LRIG1: variants seen among roughly 807,000 people sequenced by gnomAD.
The protein encoded by LRIG1 is leucine-rich repeats and immunoglobulin-like domains protein 1.
In LRIG1, 48 loss-of-function variants were observed where a neutral mutation model predicts 99.2. The ratio of observed to expected loss-of-function variants is 0.48; its 90% CI spans 0.38 to 0.62. LRIG1 has a LOEUF of 0.62. LRIG1 is among the 20% of genes least tolerant of loss of function. The pLI, the probability that LRIG1 is intolerant of heterozygous loss-of-function variation, is 0.00. For missense variants in LRIG1, 1,646 were observed against 1,434.4 expected (o/e 1.15, Z -2.38); for synonymous variants, 772 against 596.1 (o/e 1.29, Z -4.30).
intron 3 of LRIG1, among the ~76,000 whole-genome samples, chr3:66,432,291 G>C (rs1208715918): frequency 2.6e-5 from 4 of 152,218 alleles, no homozygotes; most frequent in Non-Finnish European, 4.4e-5. Flanking sequence ...CCGGAGTCTG[G>C]AATGGAGCCC....
At chr3:66,410,793 C>T (rs1400870072) in intron 6 of LRIG1, among the ~76,000 whole-genome samples, 3 of 152,212 alleles carry the variant, frequency 2.0e-5, no homozygotes, top group Non-Finnish European at 4.4e-5. Flanking sequence ...TATTATCACC[C>T]GCATCTCACA....
intron 10 of LRIG1, 94 bp from the exon 11 acceptor site, chr3:66,398,277 A>T: frequency 1.1e-6 from 1 of 908,474 alleles, no homozygotes; most frequent in Non-Finnish European, 1.8e-6. Context: ...ACCCACAGGG[A>T]CTAGCCAGAC....
chr3:66,382,022 A>G lies in LRIG1; in HGVS notation c.2617+251T>C, dbSNP rs77789509. On this transcript the variant is annotated intron_variant, in intron 16 of 18. Transcript: ENST00000273261. The stretch of plus-strand genomic sequence containing the variant: ...CCCTTTCCAGCTGCTACTCCAGGCA[A>G]GCCTACTTTATCCTGCCAGGGAGAT... Among the ~76,000 whole-genome samples the G allele has an allele frequency of 3.2e-3, 490 of 152,320 alleles. 2 individuals are homozygous for G. The highest frequency in any genetic ancestry group is 0.02 in the East Asian group (106 of 5,178).
chr3:66,380,864 G>A lies in LRIG1; in HGVS notation c.2771-3C>T, dbSNP rs1352778634. 6.2e-7 allele frequency: 1 copy of A among 1,613,124 alleles called. No individual in the cohort carries two copies. The highest frequency in any genetic ancestry group is 1.7e-5 in the Admixed American group (1 of 60,016). On this transcript the variant is annotated splice_polypyrimidine_tract_variant and splice_region_variant and intron_variant, in intron 17 of 18. Transcript: ENST00000273261. ...GCATACGACCCGGCCACCGTGTTCT[G>A]AAGGACAGCGCCAAAGATGGGTTAG...
chr3:66,488,979 T>C (rs553713259), intron 1 of LRIG1, among the ~76,000 whole-genome samples: 1 of 152,292 alleles, frequency 6.6e-6, no homozygotes, highest in South Asian at 2.1e-4. Flanking sequence ...TTTCTTTAAA[T>C]TTTTACCTAA....
At chr3:66,422,953 T>C (rs1702867031) in intron 3 of LRIG1, among the ~76,000 whole-genome samples, 2 of 152,142 alleles carry the variant, frequency 1.3e-5, no homozygotes, top group Admixed American at 6.5e-5. Flanking sequence ...AACTCCAGTT[T>C]TTAAAACCAT....
intron 3 of LRIG1, among the ~76,000 whole-genome samples, chr3:66,426,040 T>C (rs1702972722): frequency 6.6e-6 from 1 of 152,104 alleles, no homozygotes; most frequent in Admixed American, 6.5e-5. Context: ...CCGTTAGTGG[T>C]GGAAAAGATC....
At chr3:66,436,701 G>C (rs542374652) in intron 3 of LRIG1, among the ~76,000 whole-genome samples, 1 of 152,098 alleles carries the variant, frequency 6.6e-6, no homozygotes, top group East Asian at 1.9e-4. Flanking sequence ...CTGTGGTAGC[G>C]AAGTCTAAAC....
Position 66,386,244 on chromosome 3 carries a change from C to T in LRIG1, c.1526G>A (p.Gly509Asp). 6.2e-7 allele frequency: 1 copy of T among 1,614,120 alleles called. No individual in the cohort carries two copies. The highest frequency in any genetic ancestry group is 8.5e-7 in the Non-Finnish European group (1 of 1,180,020). The stretch of plus-strand genomic sequence containing the variant: ...TGAGCATGTAAACCGGATGTCCTTG[C>T]CCACCATAGCCATGGTGGTTTCTGG... The part of the protein sequence containing the change: ...TQPETTMAMV[G>D]KDIRFTCSAA... The change falls in exon 13 of 19, where the codon GGC (glycine) becomes GAC (aspartate). Residue 509 changes from glycine (G) to aspartate (D), a missense_variant. Coordinates refer to ENST00000273261, the MANE Select transcript of LRIG1 (RefSeq NM_015541.3).
At chr3:66,456,448 C>T (rs1233389280) in intron 2 of LRIG1, among the ~76,000 whole-genome samples, 1 of 152,010 alleles carries the variant, frequency 6.6e-6, no homozygotes, top group Non-Finnish European at 1.5e-5. Flanking sequence ...TTGTGCACGC[C>T]TGTAGTTCCA....
At chr3:66,438,433 T>C (rs1171845435) in intron 3 of LRIG1, among the ~76,000 whole-genome samples, 4 of 151,992 alleles carry the variant, frequency 2.6e-5, no homozygotes, top group African/African-American at 9.7e-5. Context: ...CCTGGTTGAG[T>C]ATGGTTGATA....
At chr3:66,416,501 C>T (rs748648400) in intron 4 of LRIG1, among the ~76,000 whole-genome samples, 17 of 152,194 alleles carry the variant, frequency 1.1e-4, no homozygotes, top group Non-Finnish European at 2.2e-4. Flanking sequence ...TAACACTTTT[C>T]CTACCAACAA....
intron 14 of LRIG1, 77 bp downstream of exon 14, chr3:66,383,914 C>A: frequency 6.5e-7 from 1 of 1,545,928 alleles, no homozygotes. Flanking sequence ...CCACCCCTGG[C>A]CACACAGAGC....
Position 66,380,841 on chromosome 3 carries a change from A to G in LRIG1, c.2791T>C (p.Cys931Arg). 2.5e-6 allele frequency: 4 copies of G among 1,614,086 alleles called. No homozygotes were observed. Among genetic ancestry groups the G allele is most frequent in the Non-Finnish European group, 3.4e-6 (4 of 1,179,940 alleles). The change falls in exon 18 of 19, where the codon TGC becomes CGC. Residue 931 changes from cysteine (C) to arginine (R), a missense_variant. By Grantham distance (180) the Cys-to-Arg change is radical. Coordinates refer to ENST00000273261, the MANE Select transcript of LRIG1 (RefSeq NM_015541.3). ...HKMEHGGRVVCSDCNTEVDCY... is the reference protein window; with the variant it reads ...HKMEHGGRVVRSDCNTEVDCY... ...TCCACTTCGGTGTTGCAGTCACTGC[A>G]TACGACCCGGCCACCGTGTTCTGAA...
Position 66,380,158 on chromosome 3 carries a change from C to A in LRIG1, c.*105G>T, listed in dbSNP as rs1028974450. ...CGACTGATACTCCACATGGGAGTTA[C>A]AACTATGTACAGATGAGTGACGCTT... On this transcript the variant is annotated 3_prime_UTR_variant, in exon 19 of 19. Transcript: ENST00000273261. The A allele has an allele frequency of 8.6e-5, 74 of 864,392 alleles. No homozygotes were observed. The East Asian group carries it at 1.4e-3, about 17-fold the overall frequency. The allele number at this position is 864,392 out of a possible 1,614,324, so 53.5% of individuals were successfully genotyped here.
At chr3:66,416,960 C>T (rs1234226746) in intron 4 of LRIG1, among the ~76,000 whole-genome samples, 169 bp downstream of exon 4, 1 of 152,248 alleles carries the variant, frequency 6.6e-6, no homozygotes, top group Non-Finnish European at 1.5e-5. Flanking sequence ...GCATGGGGCT[C>T]GCCCCTGCCC....
chr3:66,445,886 C>G (rs1268180658), intron 3 of LRIG1, among the ~76,000 whole-genome samples: 1 of 152,102 alleles, frequency 6.6e-6, no homozygotes, highest in Non-Finnish European at 1.5e-5. Context: ...GTGCTTCAAG[C>G]CTGATTATTA....
chr3:66,380,989 T>A (rs1701022309), intron 17 of LRIG1, 128 bp from the exon 18 acceptor site: 1 of 865,684 alleles, frequency 1.2e-6, no homozygotes. Context: ...TATGCATGCT[T>A]CCTCTTTTCC....
chr3:66,394,396 G>C (rs1701760916), intron 11 of LRIG1, among the ~76,000 whole-genome samples, 193 bp from the exon 12 acceptor site: 1 of 152,112 alleles, frequency 6.6e-6, no homozygotes, highest in East Asian at 1.9e-4. Context: ...TGGAGATTTT[G>C]AAAAAATGCA....
Sources: allele counts gnomAD v4.1 joint callset (sites outside exome capture counted in the v4.1 genomes callset), GRCh38; gene constraint gnomAD v4.1.1; transcripts MANE v1.5; gene names NCBI Gene and HGNC (gene_info 2026-07-23, HGNC 2026-07-21).